The following TET1 variants were observed in gnomAD, a reference collection of about 807,000 sequenced individuals.
TET1 encodes the protein tet methylcytosine dioxygenase 1, also known as methylcytosine dioxygenase TET1.
A neutral mutation model predicts 148.7 loss-of-function variants in TET1; 13 were observed. That is an observed-to-expected ratio of 0.09 (90% CI 0.06 to 0.14). TET1 has a LOEUF of 0.14. TET1 is among the 10% of genes least tolerant of loss of function. The probability of loss-of-function intolerance (pLI) is 1.00; values close to 1 mark genes in which losing one functional copy is unlikely to be tolerated. For synonymous variants in TET1, 907 were observed against 937.2 expected, an observed-to-expected ratio of 0.97 and a Z score of 0.59; for missense variants, 2,182 against 2,553.8, an observed-to-expected ratio of 0.85 and a Z score of 3.14.
At position 68,593,915 on chromosome 10, in the gene TET1, A is replaced by ATTTTTTTTTTT. The variant is rs3998851; in HGVS notation, c.1915-7048_1915-7038dup. Among the ~76,000 whole-genome samples the ATTTTTTTTTTT allele has an allele frequency of 2.7e-4, 12 of 44,750 alleles. 5 individuals are homozygous for ATTTTTTTTTTT. Among genetic ancestry groups the ATTTTTTTTTTT allele is most frequent in the Non-Finnish European group, 4.7e-4 (12 of 25,316 alleles). 29.4% of individuals were successfully genotyped at this position (44,750 alleles called of 152,430 possible). A position where few individuals can be genotyped will look rare whatever the true frequency, so the allele number is the denominator to read the frequency against. ...AGGCGTGAGCCACTGCGCCTGAGCT[A>ATTTTTTTTTTT]TTTTTTTTTTTTTTTTTTTTTTTTT... is the stretch of plus-strand genomic sequence containing the variant. On this transcript the variant is annotated intron_variant, in intron 2 of 11. Coordinates refer to ENST00000373644, the MANE Select transcript of TET1 (RefSeq NM_030625.3).
chr10:68,644,390 G>T (rs1447140605), intron 3 of TET1, among the ~76,000 whole-genome samples: 1 of 152,076 alleles, frequency 6.6e-6, no homozygotes, highest in African/African-American at 2.4e-5. Context: ...ATTTTTGGTA[G>T]AGACTGGGTT....
intron 6 of TET1, among the ~76,000 whole-genome samples, chr10:68,661,179 G>T (rs1486754194): frequency 6.9e-6 from 1 of 145,430 alleles, no homozygotes; most frequent in Non-Finnish European, 1.5e-5. Context: ...ACAGGCGCCT[G>T]CCACTGCGCC....
At chr10:68,624,654 TTCTTTCTCTCTCTC>T (rs1202477471) in intron 3 of TET1, among the ~76,000 whole-genome samples, 49 of 58,442 alleles carry the variant, frequency 8.4e-4, no homozygotes, top group South Asian at 3.5e-3. Context: ...CTTTCTTTCT[TTCTTTCTCTCTCTC>T]TCTCTCTCTC....
intron 2 of TET1, among the ~76,000 whole-genome samples, chr10:68,583,056 T>C (rs976551607): frequency 6.6e-6 from 1 of 152,222 alleles, no homozygotes; most frequent in Non-Finnish European, 1.5e-5. Context: ...ATGTGTTATC[T>C]TTTCCAGGAA....
At chr10:68,595,954 AT>A in intron 2 of TET1, among the ~76,000 whole-genome samples, 1 of 33,048 alleles carries the variant, frequency 3.0e-5, no homozygotes, top group South Asian at 1.5e-3. Context: ...ATATATATAT[AT>A]ATATATACAC....
At chr10:68,676,268 ATTTT>A (rs1217792442) in intron 8 of TET1, among the ~76,000 whole-genome samples, 11 of 35,960 alleles carry the variant, frequency 3.1e-4, no homozygotes, top group Admixed American at 5.0e-4. Context: ...ATATATATAT[ATTTT>A]TTTTTTTTTT....
rs779630575 is a variant in TET1 at position 68,573,613 on chromosome 10, T to G, written c.1275T>G (p.Val425=). Residue 425 remains valine (V), a synonymous_variant, in exon 2 of 12, where the codon GTT becomes GTG. Transcript: ENST00000373644. ...QQETLGMSGS[V]VPDLPVFLPV... is the part of the protein sequence containing the mutation. Reference sequence around the variant, plus strand: ...AAACTCTTGGTATGAGTGGGAGTGTTGTCCCAGACTTGCCTGTCTTCCTTC... The same window carrying G: ...AAACTCTTGGTATGAGTGGGAGTGTGGTCCCAGACTTGCCTGTCTTCCTTC... The G allele has an allele frequency of 6.2e-7, 1 of 1,614,214 alleles. No individual in the cohort carries two copies. The highest frequency in any genetic ancestry group is 8.5e-7 in the Non-Finnish European group (1 of 1,180,042).
At chr10:68,658,380 C>A (rs1222058081) in intron 6 of TET1, among the ~76,000 whole-genome samples, 1 of 152,086 alleles carries the variant, frequency 6.6e-6, no homozygotes, top group Non-Finnish European at 1.5e-5. Flanking sequence ...CTCAAGTAAT[C>A]CACCCTCCTC....
chr10:68,673,157 G>C (rs2055297737), intron 8 of TET1, 112 bp downstream of exon 8: 1 of 718,660 alleles, frequency 1.4e-6, no homozygotes, highest in Non-Finnish European at 2.0e-6. Context: ...TTGAAAAGTA[G>C]TAATCAAATA....
intron 3 of TET1, among the ~76,000 whole-genome samples, chr10:68,622,518 G>A (rs986263103): frequency 2.6e-5 from 4 of 151,654 alleles, no homozygotes; most frequent in Admixed American, 6.6e-5. Flanking sequence ...TGCCTGCCTC[G>A]GCCTCCCAAA....
intron 7 of TET1, 95 bp from the exon 8 acceptor site, chr10:68,672,800 G>A: frequency 1.0e-6 from 1 of 967,628 alleles, no homozygotes; most frequent in Non-Finnish European, 1.5e-6. Context: ...GGTTCTTTAG[G>A]CATCCATCCT....
chr10:68,584,548 A>G (rs923353008), intron 2 of TET1, among the ~76,000 whole-genome samples: 1 of 150,886 alleles, frequency 6.6e-6, no homozygotes, highest in Non-Finnish European at 1.5e-5. Context: ...GTCTCTACGA[A>G]AAATGCAAAA....
At chr10:68,565,965 A>C (rs1456252562) in intron 1 of TET1, among the ~76,000 whole-genome samples, 1 of 152,140 alleles carries the variant, frequency 6.6e-6, no homozygotes, top group African/African-American at 2.4e-5. Context: ...CATCTTCGCA[A>C]TCCATGTTGT....
chr10:68,656,968 G>A (rs952755324), intron 6 of TET1, among the ~76,000 whole-genome samples: 12 of 150,496 alleles, frequency 8.0e-5, no homozygotes, highest in Admixed American at 4.0e-4. Context: ...GGAGGTTGCC[G>A]TCAGCCAAGA....
chr10:68,601,533 T>C (rs1467667673), intron 3 of TET1, among the ~76,000 whole-genome samples: 1 of 152,216 alleles, frequency 6.6e-6, no homozygotes, highest in Non-Finnish European at 1.5e-5. Flanking sequence ...AATCTCAAAT[T>C]CTCATAATAT....
rs147762508 is a variant in TET1 at position 68,573,385 on chromosome 10, C to G, written c.1047C>G (p.Phe349Leu). The change falls in exon 2 of 12, where the codon TTC (phenylalanine) becomes TTG (leucine). Residue 349 changes from phenylalanine (F) to leucine (L), a missense_variant. Around this residue, in one of 11 missense-constraint regions of TET1, gnomAD observed 665 missense variants for 672.4 expected, o/e 0.99. Transcript: ENST00000373644. ...CTAAACCAGATCATCAAGAGGCCTTCGAAGCTACTGCAAATCAACAGGAAG... is the reference window on the plus strand; with the variant it reads ...CTAAACCAGATCATCAAGAGGCCTTGGAAGCTACTGCAAATCAACAGGAAG... ...LGAKPDHQEA[F>L]EATANQQEVS... The G allele has an allele frequency of 4.3e-6, 7 of 1,614,092 alleles. No individual in the cohort carries two copies. In the Admixed American group the frequency reaches 1.2e-4, roughly 27 times the overall value.
At chr10:68,596,435 C>T (rs2053990098) in intron 2 of TET1, among the ~76,000 whole-genome samples, 1 of 151,982 alleles carries the variant, frequency 6.6e-6, no homozygotes, top group Non-Finnish European at 1.5e-5. Context: ...CTTTGGGCCT[C>T]TGAATTATTT....
At chr10:68,588,750 G>A (rs1392582785) in intron 2 of TET1, among the ~76,000 whole-genome samples, 5 of 151,690 alleles carry the variant, frequency 3.3e-5, no homozygotes, top group African/African-American at 1.2e-4. Flanking sequence ...TAATATTAAG[G>A]TGTTCCTTTA....
At chr10:68,576,348 C>CA (rs374850664) in intron 2 of TET1, among the ~76,000 whole-genome samples, 165 of 131,474 alleles carry the variant, frequency 1.3e-3, no homozygotes, top group East Asian at 5.9e-3. Context: ...GACCCTGTCT[C>CA]AAAAAAAAAA....
Sources: allele counts gnomAD v4.1 joint callset (sites outside exome capture counted in the v4.1 genomes callset), GRCh38; gene constraint gnomAD v4.1.1; regional missense constraint gnomAD v4.1.1; transcripts MANE v1.5; gene names NCBI Gene and HGNC (gene_info 2026-07-23, HGNC 2026-07-21).